Variants in ZCCHC7 observed in about 807,000 individuals in gnomAD.
ZCCHC7 encodes zinc finger CCHC-type containing 7, also known as zinc finger CCHC domain-containing protein 7.
Under a neutral mutation model 52.0 loss-of-function variants are expected in ZCCHC7, and 35 were observed. That is an observed-to-expected ratio of 0.67 (90% CI 0.51 to 0.89). ZCCHC7 has a LOEUF of 0.89. Among genes scored for constraint, ZCCHC7 ranks in the 40% least tolerant of loss-of-function variants. The pLI, the probability that ZCCHC7 is intolerant of heterozygous loss-of-function variation, is 0.00. For missense variants in ZCCHC7, 574 were observed against 649.1 expected, an observed-to-expected ratio of 0.88 and a Z score of 1.26; for synonymous variants, 217 against 221.5, an observed-to-expected ratio of 0.98 and a Z score of 0.18.
intron 5 of ZCCHC7, among the ~76,000 whole-genome samples, chr9:37,321,149 C>T (rs994075545): frequency 9.9e-5 from 15 of 151,782 alleles, no homozygotes; most frequent in Non-Finnish European, 1.3e-4. Flanking sequence ...CCACCACACC[C>T]GGCTAATTTT....
chr9:37,357,568 A>G lies in ZCCHC7; in HGVS notation c.*300A>G, dbSNP rs1246348337. On this transcript the variant is annotated 3_prime_UTR_variant, in exon 9 of 9. Transcript: ENST00000336755. ...TTCATCTTTTCAAGAAAGTGTTTTA[A>G]AAATACTTTGGGAAAAAAACTGCAT... 2 of 199,012 alleles carry G rather than the reference A, an allele frequency of 1.0e-5. No individual in the cohort carries two copies. Among genetic ancestry groups the G allele is most frequent in the Non-Finnish European group, 2.0e-5 (2 of 99,536 alleles). The allele number at this position is 199,012 out of a possible 1,614,324, so 12.3% of individuals were successfully genotyped here. A position where few individuals can be genotyped will look rare whatever the true frequency, so the allele number is the denominator to read the frequency against.
intron 1 of ZCCHC7, among the ~76,000 whole-genome samples, chr9:37,124,038 T>TG (rs1842437884): frequency 6.6e-6 from 1 of 152,244 alleles, no homozygotes; most frequent in Non-Finnish European, 1.5e-5. Flanking sequence ...CTTGTCCATT[T>TG]GGTTTTTGGG....
In ZCCHC7 at chr9:37,296,881, TTGTGTGTGTGTG is replaced by T. The variant is rs56378965; in HGVS notation, c.611-5271_611-5260del. On this transcript the variant is annotated intron_variant, in intron 2 of 8. Coordinates refer to ENST00000336755, the MANE Select transcript of ZCCHC7 (RefSeq NM_032226.3). ...GCATGCACCACCATACCTGGCTAGT[TTGTGTGTGTGTG>T]TGTGTGTGTGTGTGTGTGTGTGTGT... 5.9e-3 allele frequency among the ~76,000 whole-genome samples: 731 copies of T among 124,198 alleles called. 2 individuals are homozygous for T. Among genetic ancestry groups the T allele is most frequent in the African/African-American group, 7.6e-3 (256 of 33,604 alleles). The allele number at this position is 124,198 out of a possible 152,430, so 81.5% of individuals were successfully genotyped here.
chr9:37,271,365 T>C (rs1335137078), intron 2 of ZCCHC7, among the ~76,000 whole-genome samples: 5 of 152,142 alleles, frequency 3.3e-5, no homozygotes, highest in Non-Finnish European at 7.3e-5. Flanking sequence ...GGAGGTGGAC[T>C]GAAGGGAAGA....
chr9:37,260,658 A>G (rs571141189), intron 2 of ZCCHC7, among the ~76,000 whole-genome samples: 1 of 152,208 alleles, frequency 6.6e-6, no homozygotes, highest in African/African-American at 2.4e-5. Flanking sequence ...AAGATGAACT[A>G]TTTGACCTTA....
chr9:37,357,481 C>A lies in ZCCHC7; in HGVS notation c.*213C>A. ...TTAGGTAAGAAAGTACAAAGATAAA[C>A]CTGGACTTCTCCTATTCCAATATGT... On this transcript the variant is annotated 3_prime_UTR_variant, in exon 9 of 9. Coordinates refer to ENST00000336755, the MANE Select transcript of ZCCHC7 (RefSeq NM_032226.3). The A allele has an allele frequency of 5.4e-6, 2 of 369,324 alleles. No individual in the cohort carries two copies. The highest frequency in any genetic ancestry group is 9.5e-6 in the Non-Finnish European group (2 of 209,962). 22.9% of individuals were successfully genotyped at this position (369,324 alleles called of 1,614,324 possible).
At chr9:37,291,806 G>T (rs1444572930) in intron 2 of ZCCHC7, among the ~76,000 whole-genome samples, 1 of 152,088 alleles carries the variant, frequency 6.6e-6, no homozygotes, top group East Asian at 1.9e-4. Context: ...TGATTCTCCT[G>T]CCTCAGCCTC....
chr9:37,235,669 C>T (rs1825617370), intron 2 of ZCCHC7, among the ~76,000 whole-genome samples: 1 of 151,226 alleles, frequency 6.6e-6, no homozygotes, highest in Non-Finnish European at 1.5e-5. Flanking sequence ...TGGCTCATTG[C>T]AACCTCCGAC....
chr9:37,296,243 C>T (rs1236145645), intron 2 of ZCCHC7, among the ~76,000 whole-genome samples: 3 of 152,170 alleles, frequency 2.0e-5, no homozygotes, highest in Admixed American at 2.0e-4. Flanking sequence ...AAGTACAGAA[C>T]TGGAAAAGCA....
chr9:37,304,268 T>C lies in ZCCHC7; in HGVS notation c.735T>C (p.Asn245=). ...YSANKNIICR[N]CDKRGHLSKN... is the part of the protein sequence containing the mutation. The stretch of plus-strand genomic sequence containing the variant: ...CCAACAAAAACATTATCTGTAGAAA[T>C]TGTGACAAACGTGGTCATTTATCAA... The change falls in exon 4 of 9, where the codon AAT becomes AAC. Residue 245 remains asparagine, a synonymous_variant. Transcript: ENST00000336755. 6 of 1,613,994 alleles carry C rather than the reference T, an allele frequency of 3.7e-6. No individual in the cohort carries two copies. Among genetic ancestry groups the C allele is most frequent in the Non-Finnish European group, 5.1e-6 (6 of 1,179,950 alleles).
At position 37,126,432 on chromosome 9, in the gene ZCCHC7, C is replaced by T; in HGVS notation, c.100C>T (p.Gln34Ter). ...GAGTGTTGATAGTGAGGTGGAATTT[C>T]AACTCTATAGCCAAATTCATTATGC... Reference protein sequence around the residue: ...ELSVDSEVEFQLYSQIHYAQD... With the variant: ...ELSVDSEVEF The change falls in exon 2 of 9, where the codon CAA becomes TAA. Residue 34 changes from glutamine (Q) to a stop codon, truncating the protein, a stop_gained. Coordinates refer to ENST00000336755, the MANE Select transcript of ZCCHC7 (RefSeq NM_032226.3). LOFTEE classifies it high-confidence loss of function. 1 of 1,613,828 alleles carries T rather than the reference C, an allele frequency of 6.2e-7. No homozygotes were observed. Among genetic ancestry groups the T allele is most frequent in the Non-Finnish European group, 8.5e-7 (1 of 1,180,006 alleles).
At chr9:37,234,536 T>C (rs1479150074) in intron 2 of ZCCHC7, among the ~76,000 whole-genome samples, 3 of 152,202 alleles carry the variant, frequency 2.0e-5, no homozygotes, top group Non-Finnish European at 4.4e-5. Context: ...CTAATGGGGA[T>C]GCAGTGAAGT....
chr9:37,326,769 T>G (rs2118135890), intron 5 of ZCCHC7, among the ~76,000 whole-genome samples: 1 of 152,104 alleles, frequency 6.6e-6, no homozygotes, highest in Admixed American at 6.6e-5. Flanking sequence ...ACAAATCAAG[T>G]AAAGAGTTGT....
At chr9:37,257,825 C>T (rs1246415642) in intron 2 of ZCCHC7, among the ~76,000 whole-genome samples, 1 of 152,142 alleles carries the variant, frequency 6.6e-6, no homozygotes, top group African/African-American at 2.4e-5. Context: ...TTCCTGAGCC[C>T]TCACTAGAAG....
chr9:37,197,993 C>T (rs572039433), intron 2 of ZCCHC7, among the ~76,000 whole-genome samples: 8 of 152,190 alleles, frequency 5.3e-5, no homozygotes, highest in African/African-American at 1.9e-4. Flanking sequence ...GGGAATTTCC[C>T]ATCTTATAAA....
At chr9:37,334,600 A>C (rs1246758772) in intron 6 of ZCCHC7, among the ~76,000 whole-genome samples, 3 of 152,038 alleles carry the variant, frequency 2.0e-5, no homozygotes, top group Non-Finnish European at 4.4e-5. Flanking sequence ...TGTTAAAATC[A>C]GTCAGATTTT....
intron 6 of ZCCHC7, among the ~76,000 whole-genome samples, chr9:37,332,755 T>TA (rs1173448965): frequency 6.6e-6 from 1 of 151,586 alleles, no homozygotes; most frequent in African/African-American, 2.4e-5. Flanking sequence ...TAAAAATAAA[T>TA]AAAATTTGCT....
chr9:37,164,427 G>A lies in ZCCHC7; in HGVS notation c.610+37485G>A, dbSNP rs1354976701. ...ACCACTGCACTCCAGCCGGGGTGACGGAGTGAGACTGTCTTAGATAGATAG... is the reference window on the plus strand; with the variant it reads ...ACCACTGCACTCCAGCCGGGGTGACAGAGTGAGACTGTCTTAGATAGATAG... On this transcript the variant is annotated intron_variant, in intron 2 of 8. Coordinates refer to ENST00000336755, the MANE Select transcript of ZCCHC7 (RefSeq NM_032226.3). 6.7e-5 allele frequency among the ~76,000 whole-genome samples: 10 copies of A among 150,168 alleles called. No individual in the cohort carries two copies. In the South Asian group the frequency reaches 1.5e-3, roughly 22 times the overall value.
chr9:37,212,025 T>TAAAAAA (rs1824250855), intron 2 of ZCCHC7, among the ~76,000 whole-genome samples: 1 of 13,238 alleles, frequency 7.6e-5, no homozygotes, highest in Non-Finnish European at 1.4e-4. Context: ...AGACTCCGTC[T>TAAAAAA]CAAAAAAAAA....
Sources: gnomAD v4.1 joint callset for allele counts (sites outside exome capture counted in the v4.1 genomes callset) on GRCh38, gnomAD v4.1.1 for gene constraint, MANE v1.5 for transcripts, NCBI Gene and HGNC (gene_info 2026-07-23, HGNC 2026-07-21) for gene names.